Variants in CHN1 observed in about 807,000 individuals in gnomAD.
CHN1 encodes the protein N-chimaerin.
A neutral mutation model predicts 59.5 loss-of-function variants in CHN1; 37 were observed. The observed-to-expected ratio is 0.62, with a 90% confidence interval of 0.48 to 0.82. CHN1 has a LOEUF of 0.82. Among genes scored for constraint, CHN1 ranks in the 40% least tolerant of loss-of-function variants. The pLI, the probability that CHN1 is intolerant of heterozygous loss-of-function variation, is 0.00. For missense variants in CHN1, 469 were observed against 571.0 expected, an observed-to-expected ratio of 0.82 and a Z score of 1.82; for synonymous variants, 206 against 200.4, an observed-to-expected ratio of 1.03 and a Z score of -0.24.
rs1047672787 is a variant in CHN1, at chr2:174,841,643, T to G, written c.627+5237A>C. 2.0e-5 allele frequency among the ~76,000 whole-genome samples: 3 copies of G among 152,264 alleles called. No individual in the cohort carries two copies. The East Asian group carries it at 5.8e-4, about 29-fold the overall frequency. ...ATGTGTACAACAGAAATACATATAA[T>G]TCCACTTAATTTCTTTCTTGGAGAA... On this transcript the variant is annotated intron_variant, in intron 7 of 12. Transcript: ENST00000409900.
chr2:174,823,678 G>C (rs1031722896), intron 8 of CHN1, among the ~76,000 whole-genome samples: 6 of 150,754 alleles, frequency 4.0e-5, no homozygotes, highest in Admixed American at 1.3e-4. Context: ...AAAAAAAAAA[G>C]AATTTAAAGT....
At position 174,881,839 on chromosome 2, in the gene CHN1, C is replaced by T. The variant is rs900872822; in HGVS notation, c.261-3711G>A. On this transcript the variant is annotated intron_variant, in intron 5 of 12. Coordinates refer to ENST00000409900, the MANE Select transcript of CHN1 (RefSeq NM_001822.7). ...AGTGGGAAGACAACAGAGTGCAAAT[C>T]GGGTAGGAGGAGCAAGCAAAGAAGG... Among the ~76,000 whole-genome samples the T allele has an allele frequency of 7.9e-5, 12 of 152,070 alleles. No homozygotes were observed. In the East Asian group the frequency reaches 9.6e-4, roughly 12 times the overall value.
intron 1 of CHN1, among the ~76,000 whole-genome samples, chr2:174,970,643 T>C (rs1292895734): frequency 6.6e-6 from 1 of 152,182 alleles, no homozygotes; most frequent in Non-Finnish European, 1.5e-5. Flanking sequence ...ATGACAAACG[T>C]AGGATAATAC....
At chr2:174,830,214 C>CA (rs1244113630) in intron 7 of CHN1, among the ~76,000 whole-genome samples, 6 of 151,536 alleles carry the variant, frequency 4.0e-5, no homozygotes, top group African/African-American at 1.2e-4. Context: ...GCCTGGGCTA[C>CA]AGAGCAAGAC....
intron 5 of CHN1, among the ~76,000 whole-genome samples, chr2:174,891,139 T>TCAA (rs1281595450): frequency 3.2e-4 from 7 of 21,612 alleles, no homozygotes; most frequent in African/African-American, 1.4e-3. Flanking sequence ...AGACTCCATC[T>TCAA]CAAAAAAAAA....
intron 8 of CHN1, among the ~76,000 whole-genome samples, chr2:174,817,318 C>T (rs943624924): frequency 6.6e-6 from 1 of 152,010 alleles, no homozygotes; most frequent in Non-Finnish European, 1.5e-5. Flanking sequence ...AGTGATAAAA[C>T]TTGTTTTGTC....
intron 7 of CHN1, among the ~76,000 whole-genome samples, chr2:174,831,217 T>C (rs755754803): frequency 6.6e-6 from 1 of 152,234 alleles, no homozygotes; most frequent in Non-Finnish European, 1.5e-5. Context: ...CTCATAAAAA[T>C]ACATTTACCA....
intron 7 of CHN1, among the ~76,000 whole-genome samples, chr2:174,841,298 C>A (rs1351626499): frequency 6.6e-6 from 1 of 152,146 alleles, no homozygotes; most frequent in Non-Finnish European, 1.5e-5. Context: ...TTGAGAGGGC[C>A]ACCGTGCTGA....
intron 6 of CHN1, among the ~76,000 whole-genome samples, chr2:174,870,709 G>T (rs947186207): frequency 3.3e-5 from 5 of 152,160 alleles, no homozygotes; most frequent in Admixed American, 6.5e-5. Context: ...TACCAGAGTT[G>T]ATTCCTTTTG....
intron 6 of CHN1, among the ~76,000 whole-genome samples, chr2:174,866,461 C>A (rs972936178): frequency 6.6e-6 from 1 of 152,044 alleles, no homozygotes; most frequent in African/African-American, 2.4e-5. Flanking sequence ...AAACCCATCC[C>A]CTTGCAGTAA....
intron 1 of CHN1, 64 bp from the exon 2 acceptor site, chr2:174,952,266 C>A: frequency 1.0e-6 from 1 of 958,858 alleles, no homozygotes; most frequent in South Asian, 1.9e-5. Flanking sequence ...ACATTTTAAT[C>A]ATTAACTCAT....
intron 1 of CHN1, among the ~76,000 whole-genome samples, chr2:174,955,694 C>T (rs540868575): frequency 1.3e-5 from 2 of 152,148 alleles, no homozygotes; most frequent in South Asian, 4.2e-4. Context: ...TATGTACACA[C>T]CATGTAATAC....
intron 7 of CHN1, among the ~76,000 whole-genome samples, chr2:174,834,921 AAG>A (rs1033352346): frequency 1.1e-4 from 17 of 152,214 alleles, no homozygotes; most frequent in African/African-American, 3.6e-4. Context: ...AATAAAACTT[AAG>A]AGAAACCAAA....
chr2:174,808,803 G>GGA lies in CHN1; in HGVS notation c.1102+100_1102+101dup, dbSNP rs1229033351. 30 of 1,263,690 alleles carry GGA rather than the reference G, an allele frequency of 2.4e-5. No homozygotes were observed. The East Asian group carries it at 7.0e-4, about 29-fold the overall frequency. The allele number at this position is 1,263,690 out of a possible 1,614,324, so 78.3% of individuals were successfully genotyped here. ...CATTAACCATAGAGAGAGGCAAAGG[G>GGA]GAAACATTTCATAAAATGCATTCAA... is the stretch of plus-strand genomic sequence containing the variant. On this transcript the variant is annotated intron_variant, in intron 11 of 12. Transcript: ENST00000409900.
chr2:174,856,615 T>G (rs894862136), intron 6 of CHN1, among the ~76,000 whole-genome samples: 1 of 152,142 alleles, frequency 6.6e-6, no homozygotes, highest in African/African-American at 2.4e-5. Flanking sequence ...TCACACTACG[T>G]GAAGAACACT....
chr2:174,806,900 C>T (rs758478781), intron 11 of CHN1, among the ~76,000 whole-genome samples: 5 of 152,054 alleles, frequency 3.3e-5, no homozygotes, highest in Admixed American at 6.5e-5. Flanking sequence ...GTACAACAAA[C>T]GTTTATATTA....
intron 6 of CHN1, among the ~76,000 whole-genome samples, chr2:174,856,349 G>T (rs572167096): frequency 1.6e-4 from 25 of 152,110 alleles, no homozygotes; most frequent in African/African-American, 5.8e-4. Flanking sequence ...CATCTAAACA[G>T]ATAACAATAA....
chr2:174,845,053 T>C (rs931104188), intron 7 of CHN1, among the ~76,000 whole-genome samples: 1 of 152,208 alleles, frequency 6.6e-6, no homozygotes, highest in Non-Finnish European at 1.5e-5. Context: ...TCCAGCTGTG[T>C]AGAATTTATT....
intron 3 of CHN1, among the ~76,000 whole-genome samples, chr2:174,925,539 C>T (rs1189778053): frequency 1.3e-5 from 2 of 152,182 alleles, no homozygotes; most frequent in Non-Finnish European, 2.9e-5. Context: ...AAGAATGTGA[C>T]ACCTTTAAGG....
Sources: gnomAD v4.1 joint callset for allele counts (sites outside exome capture counted in the v4.1 genomes callset) on GRCh38, gnomAD v4.1.1 for gene constraint, MANE v1.5 for transcripts, NCBI Gene and HGNC (gene_info 2026-07-23, HGNC 2026-07-21) for gene names.